SYNDIG1L: variants seen among roughly 807,000 people sequenced by gnomAD.
SYNDIG1L encodes synapse differentiation-inducing gene protein 1-like.
A neutral mutation model predicts 20.1 loss-of-function variants in SYNDIG1L; 13 were observed. The ratio of observed to expected loss-of-function variants is 0.65; its 90% CI spans 0.42 to 1.03. SYNDIG1L has a LOEUF of 1.03. Ranked by LOEUF, SYNDIG1L falls within the 50% of genes least tolerant of loss-of-function variation. The pLI, the probability that SYNDIG1L is intolerant of heterozygous loss-of-function variation, is 0.00. For missense variants in SYNDIG1L, 294 were observed against 305.1 expected (o/e 0.96, Z 0.27); for synonymous variants, 128 against 129.3 (o/e 0.99, Z 0.07).
chr14:74,407,745 C>G (rs1246219156), intron 3 of SYNDIG1L, 52 bp from the exon 4 acceptor site: 17 of 1,575,076 alleles, frequency 1.1e-5, no homozygotes, highest in South Asian at 4.8e-5. Context: ...CCCAGCCAAA[C>G]AGCCCAGCCT....
At chr14:74,428,347 A>G (rs2086281256), upstream of SYNDIG1L, among the ~76,000 whole-genome samples, 1 of 152,248 alleles carries the variant, frequency 6.6e-6, no homozygotes, top group Admixed American at 6.5e-5. Flanking sequence ...GGACTGAAGA[A>G]TCTACAACCA....
intron 2 of SYNDIG1L, 131 bp from the exon 3 acceptor site, chr14:74,408,120 G>A (rs1389904843): frequency 8.7e-7 from 1 of 1,151,670 alleles, no homozygotes; most frequent in Non-Finnish European, 1.2e-6. Context: ...TCTGCCGCAG[G>A]TGGGGATGTA....
upstream of SYNDIG1L, among the ~76,000 whole-genome samples, chr14:74,430,184 C>T (rs1286398693): frequency 3.9e-5 from 6 of 152,138 alleles, 1 homozygote; most frequent in Admixed American, 6.5e-5. Flanking sequence ...ATCCAGCCAC[C>T]GCAGACTGCA....
intron 1 of SYNDIG1L, among the ~76,000 whole-genome samples, chr14:74,417,140 G>A (rs142971916): frequency 7.9e-4 from 121 of 152,308 alleles, no homozygotes; most frequent in African/African-American, 2.8e-3. Flanking sequence ...AAATTAAATC[G>A]ATTTTCTGAG....
intron 1 of SYNDIG1L, among the ~76,000 whole-genome samples, chr14:74,423,133 C>T (rs1291438001): frequency 1.3e-5 from 2 of 151,978 alleles, no homozygotes; most frequent in Non-Finnish European, 2.9e-5. Context: ...GTAGAAGGGC[C>T]CAGAATAAAA....
the SYNDIG1L span, among the ~76,000 whole-genome samples, chr14:74,441,993 A>G: frequency 6.6e-6 from 1 of 152,340 alleles, no homozygotes; most frequent in East Asian, 1.9e-4. Context: ...CTAGAATCAG[A>G]AAAGCAGGTT....
upstream of SYNDIG1L, among the ~76,000 whole-genome samples, chr14:74,430,541 TTC>T (rs2086295530): frequency 6.6e-6 from 1 of 151,714 alleles, no homozygotes; most frequent in African/African-American, 2.4e-5. Flanking sequence ...GTTCAAGCGA[TTC>T]TCCTGCCTCT....
At chr14:74,421,213 G>C (rs2086218876) in intron 1 of SYNDIG1L, among the ~76,000 whole-genome samples, 1 of 152,098 alleles carries the variant, frequency 6.6e-6, no homozygotes, top group Non-Finnish European at 1.5e-5. Flanking sequence ...AAGAACATGA[G>C]CATTTTGGAA....
chr14:74,475,208 T>C, the SYNDIG1L span, among the ~76,000 whole-genome samples: 1 of 151,758 alleles, frequency 6.6e-6, no homozygotes, highest in Non-Finnish European at 1.5e-5. Context: ...CTTCCTTTTT[T>C]ATCTAGGATG....
the SYNDIG1L span, among the ~76,000 whole-genome samples, chr14:74,455,926 G>A: frequency 1.3e-5 from 2 of 152,210 alleles, no homozygotes; most frequent in African/African-American, 4.8e-5. Context: ...ACTCCTTTCA[G>A]TGGACCCCCT....
the SYNDIG1L span, among the ~76,000 whole-genome samples, chr14:74,441,868 A>G: frequency 6.6e-6 from 1 of 152,152 alleles, no homozygotes; most frequent in Non-Finnish European, 1.5e-5. Flanking sequence ...AAAAATTTCC[A>G]AGAGTATGCA....
intron 1 of SYNDIG1L, among the ~76,000 whole-genome samples, chr14:74,419,549 C>T (rs2139629025): frequency 6.6e-6 from 1 of 152,336 alleles, no homozygotes; most frequent in East Asian, 1.9e-4. Context: ...ACAATTACTT[C>T]AGGCCAGTTA....
chr14:74,457,973 T>A, the SYNDIG1L span, among the ~76,000 whole-genome samples: 52 of 152,146 alleles, frequency 3.4e-4, no homozygotes, highest in East Asian at 9.7e-3. Flanking sequence ...AATTTTTTTT[T>A]ATTTTTTGTA....
chr14:74,418,839 C>A (rs867062652), intron 1 of SYNDIG1L, among the ~76,000 whole-genome samples: 50 of 152,178 alleles, frequency 3.3e-4, no homozygotes, highest in African/African-American at 1.2e-3. Context: ...GTGAGTGAAG[C>A]CATTTTCGGT....
the SYNDIG1L span, among the ~76,000 whole-genome samples, chr14:74,475,623 G>T: frequency 1.3e-5 from 2 of 151,698 alleles, no homozygotes; most frequent in Non-Finnish European, 2.9e-5. Context: ...TCCTGGGAGG[G>T]TCTGAGACTA....
At chr14:74,476,324 T>G in the SYNDIG1L span, 1 of 638,708 alleles carries the variant, frequency 1.6e-6, no homozygotes, top group East Asian at 2.7e-5. Context: ...TCCATTTGTC[T>G]GCCAGGCTCC....
At chr14:74,413,890 G>T (rs2086153594) in intron 1 of SYNDIG1L, among the ~76,000 whole-genome samples, 1 of 152,158 alleles carries the variant, frequency 6.6e-6, no homozygotes, top group Non-Finnish European at 1.5e-5. Flanking sequence ...AAGGGTCATG[G>T]TTCTCTACAC....
chr14:74,456,808 C>T, the SYNDIG1L span, among the ~76,000 whole-genome samples: 62 of 152,044 alleles, frequency 4.1e-4, no homozygotes, highest in Non-Finnish European at 7.1e-4. Flanking sequence ...CCTTGGCTCT[C>T]GGCGGCAGGA....
chr14:74,427,977 A>T (rs1224677044), upstream of SYNDIG1L, among the ~76,000 whole-genome samples: 1 of 152,256 alleles, frequency 6.6e-6, no homozygotes, highest in Non-Finnish European at 1.5e-5. Context: ...AAAGGATAAT[A>T]AAAAAGCCAG....
Sources: gnomAD v4.1 joint callset for allele counts (sites outside exome capture counted in the v4.1 genomes callset) on GRCh38, gnomAD v4.1.1 for gene constraint, MANE v1.5 for transcripts, NCBI Gene and HGNC (gene_info 2026-07-23, HGNC 2026-07-21) for gene names.